Variants in ITFG2 observed in about 807,000 individuals in gnomAD.
The protein encoded by ITFG2 is integrin alpha FG-GAP repeat containing 2, also known as KICSTOR complex protein ITFG2.
ITFG2 carries 36 observed loss-of-function variants against 54.4 expected under a neutral mutation model. That is an observed-to-expected ratio of 0.66 (90% confidence interval 0.51 to 0.87). ITFG2 has a LOEUF of 0.87. ITFG2 is among the 40% of genes least tolerant of loss of function. The pLI is 0.00. For synonymous variants in ITFG2, 211 were observed against 225.4 expected (o/e 0.94, Z 0.57); for missense variants, 524 against 576.7 (o/e 0.91, Z 0.94).
chr12:2,857,285 G>A (rs1035940428), intron 2 of ITFG2: 20 of 530,932 alleles, frequency 3.8e-5, no homozygotes, highest in Non-Finnish European at 5.8e-5. Context: ...GAAAAGCAGG[G>A]CAGGCTGGCT....
chr12:2,850,018 C>T (rs1004769378), intron 2 of ITFG2, among the ~76,000 whole-genome samples: 5 of 152,228 alleles, frequency 3.3e-5, no homozygotes, highest in African/African-American at 9.6e-5. Context: ...GCCCCTGGTT[C>T]GGCAGATAGT....
intron 1 of ITFG2, among the ~76,000 whole-genome samples, chr12:2,840,044 C>T (rs544814278): frequency 6.6e-6 from 1 of 151,688 alleles, no homozygotes; most frequent in South Asian, 2.1e-4. Context: ...GAAGCCCAGA[C>T]CTGAGCACCA....
At chr12:2,817,834 T>C in intron 2 of ITFG2, 75 bp from the exon 3 acceptor site, 1 of 1,436,132 alleles carries the variant, frequency 7.0e-7, no homozygotes, top group Non-Finnish European at 9.5e-7. Flanking sequence ...ACCTGCCCGC[T>C]CCTCCTGCTT....
At position 2,855,927 on chromosome 12, in the gene ITFG2, C is replaced by A. The variant is rs1031476327; in HGVS notation, n.301-2085C>A. On this transcript the variant is annotated intron_variant and non_coding_transcript_variant, in intron 2 of 3. Coordinates refer to the ITFG2 transcript ENST00000537710. ...CAGAAAATAGGGCCAGGGGTTTTCC[C>A]ATCCCAGACTCCTCTCAATACTCAT... Among the ~76,000 whole-genome samples, 4 of 152,094 alleles carry A rather than the reference C, an allele frequency of 2.6e-5. No individual in the cohort carries two copies. In the South Asian group the frequency reaches 8.3e-4, roughly 32 times the overall value.
At chr12:2,833,270 T>C (rs2098012435), upstream of ITFG2, among the ~76,000 whole-genome samples, 2 of 152,088 alleles carry the variant, frequency 1.3e-5, no homozygotes, top group African/African-American at 4.8e-5. Context: ...CCCAGTAGGT[T>C]CCAGCCATTG....
At chr12:2,854,952 T>C in intron 2 of ITFG2, 2 of 1,536,212 alleles carry the variant, frequency 1.3e-6, no homozygotes, top group African/African-American at 1.4e-5. Flanking sequence ...GGGGTGCTCT[T>C]GCCTCACTCC....
intron 2 of ITFG2, chr12:2,830,574 TA>T (rs2097996400): frequency 1.1e-6 from 1 of 914,990 alleles, no homozygotes; most frequent in African/African-American, 1.7e-5. Flanking sequence ...GGATCCTGGT[TA>T]GGTCCAGGCT....
upstream of ITFG2, chr12:2,835,171 G>GTA: frequency 7.5e-7 from 1 of 1,333,486 alleles, no homozygotes; most frequent in Non-Finnish European, 9.4e-7. Flanking sequence ...GTGTGTGTGT[G>GTA]TGTGTGTGTG....
At chr12:2,852,197 C>T (rs747513822) in intron 2 of ITFG2, among the ~76,000 whole-genome samples, 6 of 152,190 alleles carry the variant, frequency 3.9e-5, no homozygotes, top group Admixed American at 6.5e-5. Flanking sequence ...CACATTCCTT[C>T]ATTCCTGGTT....
chr12:2,854,075 G>C (rs1281019242), intron 2 of ITFG2, among the ~76,000 whole-genome samples: 2 of 152,078 alleles, frequency 1.3e-5, no homozygotes, highest in Non-Finnish European at 2.9e-5. Context: ...GCCCCGGCTG[G>C]AGTGCAATGG....
upstream of ITFG2, among the ~76,000 whole-genome samples, chr12:2,835,927 T>G (rs1228305181): frequency 1.3e-5 from 2 of 152,238 alleles, no homozygotes; most frequent in East Asian, 3.8e-4. Flanking sequence ...ATAGTTTTTG[T>G]TAGTGAGATT....
At chr12:2,854,929 TG>T in intron 2 of ITFG2, 1 of 1,535,876 alleles carries the variant, frequency 6.5e-7, no homozygotes, top group South Asian at 1.2e-5. Context: ...GATGTTGCCC[TG>T]GGCATCGAGT....
At chr12:2,836,619 T>C (rs1369855430), upstream of ITFG2, 2 of 152,254 alleles carry the variant, frequency 1.3e-5, no homozygotes, top group African/African-American at 4.8e-5. Context: ...CCCCCAAATG[T>C]ACCCCTAACC....
chr12:2,830,792 G>C (rs776293384), intron 2 of ITFG2: 2 of 1,613,664 alleles, frequency 1.2e-6, no homozygotes, highest in East Asian at 2.2e-5. Flanking sequence ...CCTGCATCCG[G>C]GGAGGCTCCC....
intron 2 of ITFG2, among the ~76,000 whole-genome samples, chr12:2,843,931 T>C (rs2098047317): frequency 6.8e-6 from 1 of 148,118 alleles, no homozygotes; most frequent in Non-Finnish European, 1.5e-5. Context: ...ATCTGTAGAG[T>C]TGGTGCGAAG....
intron 2 of ITFG2, among the ~76,000 whole-genome samples, chr12:2,854,398 C>T (rs746777519): frequency 1.3e-5 from 2 of 152,218 alleles, no homozygotes; most frequent in African/African-American, 2.4e-5. Context: ...GAGGTCGGTA[C>T]CTGAGGCTCC....
intron 2 of ITFG2, chr12:2,857,149 C>T (rs1312769371): frequency 2.9e-6 from 2 of 695,478 alleles, no homozygotes; most frequent in South Asian, 1.5e-5. Context: ...GAGGCCCTCA[C>T]CTGTCCCTGG....
intron 4 of ITFG2, chr12:2,818,667 G>T: frequency 8.3e-6 from 2 of 241,952 alleles, no homozygotes; most frequent in Non-Finnish European, 1.6e-5. Flanking sequence ...ATTTAAAAAA[G>T]GAAAAGAAAA....
intron 2 of ITFG2, chr12:2,830,733 A>G (rs772073548): frequency 1.9e-6 from 3 of 1,612,948 alleles, no homozygotes; most frequent in Non-Finnish European, 2.5e-6. Context: ...AAGAGCTGGA[A>G]TCTCTGTCCT....
Sources: allele counts gnomAD v4.1 joint callset (sites outside exome capture counted in the v4.1 genomes callset), GRCh38; gene constraint gnomAD v4.1.1; transcripts MANE v1.5; gene names NCBI Gene and HGNC (gene_info 2026-07-23, HGNC 2026-07-21).